Variants in DSCAM observed in about 807,000 individuals in gnomAD.
DSCAM encodes the protein cell adhesion molecule DSCAM.
In DSCAM, 47 loss-of-function variants were observed where a neutral mutation model predicts 217.7. The observed-to-expected ratio is 0.22, with a 90% CI of 0.17 to 0.28. The LOEUF (loss-of-function observed/expected upper bound fraction) is 0.28, where lower values mean the gene tolerates loss of function less well. Ranked by LOEUF, DSCAM falls within the 10% of genes least tolerant of loss-of-function variation. DSCAM has a pLI of 1.00. For synonymous variants in DSCAM, 1,056 were observed against 1,015.3 expected (o/e 1.04, Z -0.76); for missense variants, 2,080 against 2,618.3 (o/e 0.79, Z 4.49).
At chr21:40,810,974 T>A (rs1205522044) in intron 1 of DSCAM, among the ~76,000 whole-genome samples, 1 of 152,340 alleles carries the variant, frequency 6.6e-6, no homozygotes, top group East Asian at 1.9e-4. Flanking sequence ...AATGAGAGGC[T>A]ACACCATGAT....
intron 1 of DSCAM, among the ~76,000 whole-genome samples, chr21:40,784,955 A>G (rs751999401): frequency 7.7e-4 from 118 of 152,324 alleles, no homozygotes; most frequent in Non-Finnish European, 1.4e-3. Flanking sequence ...ATTATGGCCT[A>G]TTTTATTCAT....
At chr21:40,582,656 A>T (rs1202666450) in intron 3 of DSCAM, among the ~76,000 whole-genome samples, 2 of 152,186 alleles carry the variant, frequency 1.3e-5, no homozygotes, top group African/African-American at 4.8e-5. Context: ...TTCTGTACAT[A>T]TACTATGTAC....
chr21:40,519,705 G>A (rs1275382450), intron 3 of DSCAM, among the ~76,000 whole-genome samples: 1 of 152,114 alleles, frequency 6.6e-6, no homozygotes, highest in Non-Finnish European at 1.5e-5. Context: ...AGGAGAAATT[G>A]TGACTCAAGA....
At chr21:40,177,910 G>A (rs927576716) in intron 15 of DSCAM, among the ~76,000 whole-genome samples, 1 of 152,178 alleles carries the variant, frequency 6.6e-6, no homozygotes, top group Non-Finnish European at 1.5e-5. Flanking sequence ...TCTGGGTGTG[G>A]CAATCACCTT....
intron 1 of DSCAM, among the ~76,000 whole-genome samples, chr21:40,746,307 G>A (rs2091173819): frequency 6.7e-6 from 1 of 149,106 alleles, no homozygotes; most frequent in Non-Finnish European, 1.5e-5. Flanking sequence ...GTCTACAAGA[G>A]ATCTTTCACC....
chr21:40,104,924 A>C (rs1487646600), intron 20 of DSCAM, among the ~76,000 whole-genome samples: 1 of 152,198 alleles, frequency 6.6e-6, no homozygotes, highest in Non-Finnish European at 1.5e-5. Context: ...TCTACGCAGC[A>C]ATGGGGAAGT....
At chr21:40,437,458 T>A (rs982907727) in intron 3 of DSCAM, among the ~76,000 whole-genome samples, 1 of 152,164 alleles carries the variant, frequency 6.6e-6, no homozygotes, top group Non-Finnish European at 1.5e-5. Flanking sequence ...ATAATCTTAG[T>A]GAAAACCCTG....
intron 3 of DSCAM, among the ~76,000 whole-genome samples, chr21:40,487,589 G>T (rs1434699678): frequency 2.0e-5 from 3 of 152,166 alleles, no homozygotes; most frequent in Non-Finnish European, 4.4e-5. Flanking sequence ...TACATGAGAA[G>T]ATTTGAATTT....
chr21:40,470,471 C>A (rs531373592), intron 3 of DSCAM, among the ~76,000 whole-genome samples: 34 of 152,350 alleles, frequency 2.2e-4, no homozygotes, highest in African/African-American at 7.9e-4. Context: ...GAGCTTTCTG[C>A]CCTCTCTTCT....
At position 40,583,958 on chromosome 21, in the gene DSCAM, T is replaced by C. The variant is rs563764633; in HGVS notation, c.508+108852A>G. On this transcript the variant is annotated intron_variant, in intron 3 of 32. Transcript: ENST00000400454. ...AAGGATCAAAGTGAGTAAAATTCAG[T>C]GGCGTTTTTCTGTATTTTGAAAAGC... 5.3e-5 allele frequency among the ~76,000 whole-genome samples: 8 copies of C among 149,632 alleles called. No individual in the cohort carries two copies. In the South Asian group the frequency reaches 1.5e-3, roughly 28 times the overall value.
intron 3 of DSCAM, among the ~76,000 whole-genome samples, chr21:40,504,414 C>G (rs2076194359): frequency 6.6e-6 from 1 of 152,170 alleles, no homozygotes; most frequent in Non-Finnish European, 1.5e-5. Context: ...TTCCTCCTGC[C>G]TCAGCCCTCC....
chr21:40,277,635 T>C, intron 10 of DSCAM, among the ~76,000 whole-genome samples: 1 of 149,416 alleles, frequency 6.7e-6, no homozygotes, highest in East Asian at 2.0e-4. Context: ...AACCTGAATT[T>C]TTTTTTTTTT....
chr21:40,502,249 C>A (rs1286718438), intron 3 of DSCAM, among the ~76,000 whole-genome samples: 3 of 152,072 alleles, frequency 2.0e-5, no homozygotes, highest in Non-Finnish European at 4.4e-5. Context: ...TTTTTATTGA[C>A]ACTAATAACT....
At chr21:40,826,784 G>A (rs2091972184) in intron 1 of DSCAM, among the ~76,000 whole-genome samples, 2 of 152,144 alleles carry the variant, frequency 1.3e-5, no homozygotes, top group Non-Finnish European at 2.9e-5. Context: ...AAATCCAGAA[G>A]GCCTCCTTCA....
At chr21:40,504,548 C>G (rs149528589) in intron 3 of DSCAM, among the ~76,000 whole-genome samples, 1 of 152,310 alleles carries the variant, frequency 6.6e-6, no homozygotes, top group African/African-American at 2.4e-5. Flanking sequence ...TGGCATGACA[C>G]TCGTTTTAGA....
chr21:40,228,037 T>C (rs922784782), intron 11 of DSCAM, among the ~76,000 whole-genome samples: 4 of 152,218 alleles, frequency 2.6e-5, no homozygotes, highest in Non-Finnish European at 5.9e-5. Flanking sequence ...AGGAATTATG[T>C]AGAATACCTC....
At chr21:40,230,870 T>C (rs2091374946) in intron 11 of DSCAM, among the ~76,000 whole-genome samples, 1 of 152,070 alleles carries the variant, frequency 6.6e-6, no homozygotes, top group Non-Finnish European at 1.5e-5. Context: ...GGGCCTGTGT[T>C]TCAGGGCCGT....
intron 3 of DSCAM, among the ~76,000 whole-genome samples, chr21:40,623,710 G>T (rs775902121): frequency 3.3e-5 from 5 of 152,146 alleles, no homozygotes; most frequent in African/African-American, 1.2e-4. Context: ...ATTCAAAGAG[G>T]GAGCTTTTCA....
rs199659065 is a variant in DSCAM, at chr21:40,042,525, C to T, written c.5532G>A (p.Ser1844=). 4.9e-5 allele frequency: 79 copies of T among 1,614,186 alleles called. No homozygotes were observed. The highest frequency in any genetic ancestry group is 4.5e-4 in the East Asian group (20 of 44,872). The change falls in exon 32 of 33, where the codon TCG becomes TCA. Residue 1844 remains serine (S), a synonymous_variant. Transcript: ENST00000400454. ...CATTTGTCCCTGCCGTCAACTGCTC[C>T]GATGACGTGTCTGATATGAAGCACT... The part of the protein sequence containing the change: ...ITECFISDTS[S]EQLTAGTNEY...
Sources: allele counts gnomAD v4.1 joint callset (sites outside exome capture counted in the v4.1 genomes callset), GRCh38; gene constraint gnomAD v4.1.1; transcripts MANE v1.5; gene names NCBI Gene and HGNC (gene_info 2026-07-23, HGNC 2026-07-21).